TIMM22: variants seen among roughly 807,000 people sequenced by gnomAD.
TIMM22 encodes the protein mitochondrial import inner membrane translocase subunit Tim22.
A neutral mutation model predicts 18.3 loss-of-function variants in TIMM22; 12 were observed. The ratio of observed to expected loss-of-function variants is 0.65; its 90% CI spans 0.42 to 1.06. The LOEUF (loss-of-function observed/expected upper bound fraction) is 1.06, where lower values mean the gene tolerates loss of function less well. TIMM22 is among the 50% of genes least tolerant of loss of function. TIMM22 has a pLI of 0.00. For synonymous variants in TIMM22, 107 were observed against 98.5 expected (o/e 1.09, Z -0.51); for missense variants, 278 against 252.8 (o/e 1.10, Z -0.68).
Position 1,001,698 on chromosome 17 carries a change from A to G in TIMM22, c.*610A>G, listed in dbSNP as rs2069750661. The G allele has an allele frequency of 6.5e-6, 1 of 152,994 alleles. No homozygotes were observed. The highest frequency in any genetic ancestry group is 6.5e-5 in the Admixed American group (1 of 15,388). The allele number at this position is 152,994 out of a possible 1,614,324, so 9.5% of individuals were successfully genotyped here. On this transcript the variant is annotated 3_prime_UTR_variant, in exon 4 of 4. Transcript: ENST00000327158. The stretch of plus-strand genomic sequence containing the variant: ...TTCCAAAAATAGTGCCGGGTGGCCC[A>G]AAGATAACATCTGAAGGGAAAGAAT...
At chr17:999,951 G>A (rs2069726783) in intron 3 of TIMM22, among the ~76,000 whole-genome samples, 1 of 152,006 alleles carries the variant, frequency 6.6e-6, no homozygotes, top group Admixed American at 6.6e-5. Context: ...CCAGGCTGGA[G>A]TGCAGTGGCA....
In TIMM22 at chr17:999,565, A is replaced by G; in HGVS notation, c.489A>G (p.Gly163=). ...KNSVISGCIT[G]GAIGFRAGLK... ...GTGTCATCAGTGGCTGCATCACGGGAGGAGCTATTGGTTTCAGAGGTTAGT... is the reference window on the plus strand; with the variant it reads ...GTGTCATCAGTGGCTGCATCACGGGGGGAGCTATTGGTTTCAGAGGTTAGT... The change falls in exon 3 of 4, where the codon GGA becomes GGG. Residue 163 remains glycine (G), a synonymous_variant. Transcript: ENST00000327158. 1.2e-6 allele frequency: 2 copies of G among 1,613,402 alleles called. No homozygotes were observed. Among genetic ancestry groups the G allele is most frequent in the Non-Finnish European group, 1.7e-6 (2 of 1,179,734 alleles).
In TIMM22 at chr17:998,957, TGA is replaced by T. The variant is rs1338207238; in HGVS notation, c.419_420del (p.Glu140ValfsTer50). 9.3e-6 allele frequency: 15 copies of T among 1,613,436 alleles called. No homozygotes were observed. The highest frequency in any genetic ancestry group is 1.1e-5 in the South Asian group (1 of 90,986). ...AIVGAMFSCT[E>X]CLIESYRGTS... ...TTGTGGGAGCCATGTTTTCTTGTAC[TGA>T]GTGTTTGATAGAATCTGTAAGTGTC... is the stretch of plus-strand genomic sequence containing the variant. On this transcript the variant is annotated frameshift_variant, in exon 2 of 4. Transcript: ENST00000327158. LOFTEE classifies it high-confidence loss of function.
intron 1 of TIMM22, 133 bp from the exon 2 acceptor site, chr17:998,646 G>A: frequency 1.2e-6 from 1 of 819,128 alleles, no homozygotes; most frequent in Non-Finnish European, 1.9e-6. Flanking sequence ...GGCAAGTGGA[G>A]AGTTTGAGTG....
rs1302877064 is a variant in TIMM22 at position 1,001,297 on chromosome 17, C to T, written c.*209C>T. The T allele has an allele frequency of 3.8e-6, 2 of 527,490 alleles. No homozygotes were observed. Among genetic ancestry groups the T allele is most frequent in the Admixed American group, 6.3e-5 (2 of 31,524 alleles). 32.7% of individuals were successfully genotyped at this position (527,490 alleles called of 1,614,324 possible). ...TTGCTGCTCCTGGACTCCAGCCAGC[C>T]TTCACAGAGGACGTCCCGTGCCAGA... On this transcript the variant is annotated 3_prime_UTR_variant, in exon 4 of 4. Transcript: ENST00000327158.
chr17:999,327 A>G (rs1430009719), intron 2 of TIMM22, among the ~76,000 whole-genome samples, 185 bp from the exon 3 acceptor site: 1 of 29,864 alleles, frequency 3.3e-5, no homozygotes, highest in Non-Finnish European at 7.3e-5. Flanking sequence ...CGCATACTAT[A>G]TATATATATA....
chr17:999,891 C>T (rs976348824), intron 3 of TIMM22, among the ~76,000 whole-genome samples: 18 of 147,756 alleles, frequency 1.2e-4, no homozygotes, highest in Non-Finnish European at 3.0e-5. Context: ...CACCCCCGTC[C>T]GTTGTAACAA....
intron 3 of TIMM22, among the ~76,000 whole-genome samples, chr17:1,000,329 C>CAA (rs59329011): frequency 7.3e-6 from 1 of 137,752 alleles, no homozygotes; most frequent in South Asian, 2.3e-4. Flanking sequence ...TTATCAGCTG[C>CAA]AAAAAAAAAA....
At chr17:997,454 C>T (rs1421669789) in intron 1 of TIMM22, 74 bp downstream of exon 1, 16 of 1,454,990 alleles carry the variant, frequency 1.1e-5, no homozygotes, top group Non-Finnish European at 1.9e-6. Flanking sequence ...GAGAAGACCA[C>T]GCGCCTGGGA....
rs1410988014 is a variant in TIMM22, at chr17:997,177, C to T, written c.35C>T (p.Ala12Val). Residue 12 changes from alanine (A) to valine (V), a missense_variant, in exon 1 of 4, where the codon GCC becomes GTC. Transcript: ENST00000327158. ...AAAAPNAGGS[A>V]PETAGSAEAP... ...GCCGCCCCCAATGCCGGAGGCTCGG[C>T]CCCTGAGACAGCGGGTTCCGCCGAA... is the stretch of plus-strand genomic sequence containing the variant. The T allele has an allele frequency of 1.9e-6, 3 of 1,611,250 alleles. No individual in the cohort carries two copies. Among genetic ancestry groups the T allele is most frequent in the East Asian group, 4.5e-5 (2 of 44,854 alleles).
rs1345462899 is a variant in TIMM22, at chr17:1,003,298, G to T, written c.*2210G>T. On this transcript the variant is annotated 3_prime_UTR_variant, in exon 4 of 4. Transcript: ENST00000327158. ...AAGGTGAGCCAGAAGCAGCCTGGAT[G>T]CTGGCTGATCCGGAGGCCTTTGTGA... 1 of 152,278 alleles carries T rather than the reference G, an allele frequency of 6.6e-6. No individual in the cohort carries two copies. Among genetic ancestry groups the T allele is most frequent in the Non-Finnish European group, 1.5e-5 (1 of 68,058 alleles). 9.4% of individuals were successfully genotyped at this position (152,278 alleles called of 1,614,324 possible).
chr17:997,377 G>A lies in TIMM22; in HGVS notation c.235G>A (p.Gly79Arg). ...TTTCAAGGCTGCGCTGGCCTGCGTG[G>A]GAGGTGAGGCCGGGCGATGGGACCC... is the stretch of plus-strand genomic sequence containing the variant. ...CAFKAALACV[G>R]GFVLGGAFGV... The change falls in exon 1 of 4, where the codon GGA becomes AGA. Residue 79 changes from glycine to arginine, a missense_variant. Physicochemically the swap from Gly to Arg is moderately radical, Grantham distance 125. Transcript: ENST00000327158. 6.2e-7 allele frequency: 1 copy of A among 1,612,442 alleles called. No homozygotes were observed. The highest frequency in any genetic ancestry group is 1.1e-5 in the South Asian group (1 of 90,858).
At chr17:998,109 G>A (rs1329149102) in intron 1 of TIMM22, among the ~76,000 whole-genome samples, 1 of 152,214 alleles carries the variant, frequency 6.6e-6, no homozygotes, top group East Asian at 1.9e-4. Context: ...AGACAGCCCC[G>A]AGCAAGGAGA....
intron 3 of TIMM22, among the ~76,000 whole-genome samples, chr17:1,000,066 A>ATTTTTTTATT (rs79776948): frequency 6.6e-6 from 1 of 150,440 alleles, no homozygotes; most frequent in Non-Finnish European, 1.5e-5. Context: ...TGCTCAGCTA[A>ATTTTTTTATT]TTTTTATTTT....
At chr17:997,492 AC>A in intron 1 of TIMM22, 112 bp downstream of exon 1, 1 of 1,035,942 alleles carries the variant, frequency 9.7e-7, no homozygotes, top group South Asian at 1.6e-5. Context: ...CTTGACCTTG[AC>A]CACACCCTCG....
At position 1,002,378 on chromosome 17, in the gene TIMM22, T is replaced by C. The variant is rs1475385641; in HGVS notation, c.*1290T>C. ...TCCTCTATCCTTTCCTTTTTTGCCT[T>C]CTTCCTCATCTGCCCTGTCTTCTGG... On this transcript the variant is annotated 3_prime_UTR_variant, in exon 4 of 4. Transcript: ENST00000327158. 1 of 152,122 alleles carries C rather than the reference T, an allele frequency of 6.6e-6. No homozygotes were observed. The highest frequency in any genetic ancestry group is 1.5e-5 in the Non-Finnish European group (1 of 68,120). 9.4% of individuals were successfully genotyped at this position (152,122 alleles called of 1,614,324 possible).
chr17:999,651 C>T (rs1039821309), intron 3 of TIMM22, 67 bp downstream of exon 3: 36 of 1,452,352 alleles, frequency 2.5e-5, no homozygotes, highest in Non-Finnish European at 3.4e-5. Context: ...TTGTCATTTC[C>T]AAACACACGA....
At position 997,175 on chromosome 17, in the gene TIMM22, G is replaced by C. The variant is rs777483042; in HGVS notation, c.33G>C (p.Ser11=). Residue 11 remains serine (S), a synonymous_variant, in exon 1 of 4, where the codon TCG becomes TCC. Coordinates refer to ENST00000327158, the MANE Select transcript of TIMM22 (RefSeq NM_013337.4). MAAAAPNAGG[S]APETAGSAEA... The stretch of plus-strand genomic sequence containing the variant: ...CGGCCGCCCCCAATGCCGGAGGCTC[G>C]GCCCCTGAGACAGCGGGTTCCGCCG... 7 of 1,610,622 alleles carry C rather than the reference G, an allele frequency of 4.3e-6. No individual in the cohort carries two copies. The African/African-American group carries it at 5.3e-5, about 12-fold the overall frequency.
rs1200566213 is a variant in TIMM22, at chr17:999,512, T to C, written c.436T>C (p.Tyr146His). Residue 146 changes from tyrosine (Y) to histidine (H), a missense_variant and splice_region_variant, in exon 3 of 4, where the codon TAC becomes CAC. By Grantham distance (83) the Tyr-to-His change is moderately conservative. Coordinates refer to ENST00000327158, the MANE Select transcript of TIMM22 (RefSeq NM_013337.4). ...CTAACGTGTACTTCCCTGCCCACAG[T>C]ACCGGGGAACATCAGACTGGAAGAA... The part of the protein sequence containing the change: ...FSCTECLIES[Y>H]RGTSDWKNSV... The C allele has an allele frequency of 3.7e-6, 6 of 1,613,600 alleles. No individual in the cohort carries two copies. Among genetic ancestry groups the C allele is most frequent in the Non-Finnish European group, 5.1e-6 (6 of 1,179,792 alleles).
Sources: gnomAD v4.1 joint callset for allele counts (sites outside exome capture counted in the v4.1 genomes callset) on GRCh38, gnomAD v4.1.1 for gene constraint, MANE v1.5 for transcripts, NCBI Gene and HGNC (gene_info 2026-07-23, HGNC 2026-07-21) for gene names.